ZNF236: variants seen among roughly 807,000 people sequenced by gnomAD.
The protein encoded by ZNF236 is zinc finger protein 236, also known as regulated by glucose.
ZNF236 carries 50 observed loss-of-function variants against 191.2 expected under a neutral mutation model. The observed-to-expected ratio is 0.26, with a 90% CI of 0.21 to 0.33. ZNF236 has a LOEUF of 0.33. Ranked by LOEUF, ZNF236 falls within the 10% of genes least tolerant of loss-of-function variation. The pLI, the probability that ZNF236 is intolerant of heterozygous loss-of-function variation, is 1.00. For missense variants in ZNF236, 1,754 were observed against 2,374.5 expected, an observed-to-expected ratio of 0.74 and a Z score of 5.43; for synonymous variants, 907 against 928.8, an observed-to-expected ratio of 0.98 and a Z score of 0.43.
chr18:76,926,401 G>T (rs1967678168), intron 22 of ZNF236, among the ~76,000 whole-genome samples: 1 of 152,044 alleles, frequency 6.6e-6, no homozygotes, highest in Admixed American at 6.6e-5. Flanking sequence ...AGTTGTTCTG[G>T]GGTGATTAGA....
At chr18:76,967,103 G>A (rs1968793882) in intron 30 of ZNF236, among the ~76,000 whole-genome samples, 1 of 66,340 alleles carries the variant, frequency 1.5e-5, no homozygotes, top group African/African-American at 6.3e-5. Flanking sequence ...TGATTCGTGA[G>A]ATGTGTTATT....
In ZNF236 at chr18:76,880,202, C is replaced by T. The variant is rs202111893; in HGVS notation, c.1074C>T (p.Asp358=). The T allele has an allele frequency of 1.9e-5, 31 of 1,614,184 alleles. No homozygotes were observed. The highest frequency in any genetic ancestry group is 2.7e-5 in the African/African-American group (2 of 75,060). Residue 358 remains aspartate, a synonymous_variant, in exon 8 of 31, where the codon GAC becomes GAT. Transcript: ENST00000320610. The surrounding 1 kb of genome is among the most constrained non-coding windows in gnomAD (Gnocchi z 5.0). ...SSQPSSQAVS[D]VIQQLLELSE... ...AGCCGAGCTCCCAGGCGGTGAGCGA[C>T]GTCATCCAGCAGCTCCTGGAGCTCT...
intron 1 of ZNF236, among the ~76,000 whole-genome samples, chr18:76,824,005 A>G (rs996947582): frequency 5.3e-5 from 8 of 152,138 alleles, no homozygotes; most frequent in African/African-American, 1.4e-4. Context: ...AGGACTCCCT[A>G]TGGGAGTCGG....
At chr18:76,852,461 G>A (rs1356601021) in intron 3 of ZNF236, among the ~76,000 whole-genome samples, 1 of 152,118 alleles carries the variant, frequency 6.6e-6, no homozygotes, top group Non-Finnish European at 1.5e-5. Flanking sequence ...CACAGTGCTG[G>A]GTTGGGGGCT....
chr18:76,881,374 C>G lies in ZNF236; in HGVS notation c.1279C>G (p.Gln427Glu). 1 of 1,614,090 alleles carries G rather than the reference C, an allele frequency of 6.2e-7. No homozygotes were observed. Among genetic ancestry groups the G allele is most frequent in the Non-Finnish European group, 8.5e-7 (1 of 1,180,028 alleles). ...TGCCAAGACCTCTGCACCACACGCT[C>G]AAAACCCAGATGTTTCCAGCGTTTC... ...CHAKTSAPHAQNPDVSSVSNE... is the reference protein window; with the variant it reads ...CHAKTSAPHAENPDVSSVSNE... The change falls in exon 9 of 31, where the codon CAA becomes GAA. Residue 427 changes from glutamine to glutamate, a missense_variant. Coordinates refer to ENST00000320610, the MANE Select transcript of ZNF236 (RefSeq NM_001306089.2).
At chr18:76,861,183 C>G (rs966040040) in intron 3 of ZNF236, among the ~76,000 whole-genome samples, 1 of 152,180 alleles carries the variant, frequency 6.6e-6, no homozygotes, top group African/African-American at 2.4e-5. Flanking sequence ...TGTGTTGATG[C>G]TTAGGTCAGA....
At chr18:76,866,651 G>C (rs910027789) in intron 3 of ZNF236, among the ~76,000 whole-genome samples, 1 of 152,142 alleles carries the variant, frequency 6.6e-6, no homozygotes, top group Non-Finnish European at 1.5e-5. Flanking sequence ...TGGCCACTTA[G>C]CATCATGAGA....
In ZNF236 at chr18:76,880,346, T is replaced by A; in HGVS notation, c.1188+30T>A. The A allele has an allele frequency of 6.3e-7, 1 of 1,576,152 alleles. No homozygotes were observed. The highest frequency in any genetic ancestry group is 1.1e-5 in the South Asian group (1 of 88,114). ...AGCACGCTTCCCTGCGGTGTGAGGC[T>A]TACGTGCTCGTGCTGGGTCAGAAAC... is the stretch of plus-strand genomic sequence containing the variant. On this transcript the variant is annotated intron_variant, in intron 8 of 30. Transcript: ENST00000320610. The surrounding 1 kb of genome is among the most constrained non-coding windows in gnomAD (Gnocchi z 5.0).
Position 76,880,135 on chromosome 18 carries a change from C to T in ZNF236, c.1007C>T (p.Pro336Leu), listed in dbSNP as rs1165128254. The change falls in exon 8 of 31, where the codon CCT becomes CTT. Residue 336 changes from proline to leucine, a missense_variant. This residue lies in a region of ZNF236 where 336 missense variants were observed against 495.1 expected (regional missense o/e 0.68). Coordinates refer to ENST00000320610, the MANE Select transcript of ZNF236 (RefSeq NM_001306089.2). This position sits in a 1 kb window ranked among gnomAD's most constrained non-coding sequence, Gnocchi z 5.0. ...CAGGCCACACTTTTTCAGACGTTAC[C>T]TCTTCAACAGACGGAAGCCCAAGCC... is the stretch of plus-strand genomic sequence containing the variant. ...VLTATLFQTL[P>L]LQQTEAQATS... The T allele has an allele frequency of 2.5e-6, 4 of 1,613,186 alleles. No homozygotes were observed. Among genetic ancestry groups the T allele is most frequent in the Non-Finnish European group, 3.4e-6 (4 of 1,179,698 alleles).
At chr18:76,912,157 C>A (rs1306994353) in intron 16 of ZNF236, 87 bp from the exon 17 acceptor site, 7 of 962,100 alleles carry the variant, frequency 7.3e-6, no homozygotes, top group East Asian at 2.6e-5. Context: ...TATGAATGTT[C>A]TTATCCTTAG....
intron 26 of ZNF236, 62 bp downstream of exon 26, chr18:76,937,405 T>C: frequency 7.2e-7 from 1 of 1,390,400 alleles, no homozygotes; most frequent in Non-Finnish European, 9.6e-7. Context: ...GAAAACATTA[T>C]TCATTGACTC....
rs551000660 is a variant in ZNF236, at chr18:76,866,403, G to A, written c.364-2282G>A. Among the ~76,000 whole-genome samples the A allele has an allele frequency of 4.1e-5, 6 of 147,464 alleles. No individual in the cohort carries two copies. In the South Asian group the frequency reaches 1.3e-3, roughly 31 times the overall value. On this transcript the variant is annotated intron_variant, in intron 3 of 30. Transcript: ENST00000320610. ...GAAGCATGGCTTCTGAGAAGGCCAG[G>A]ACAGGAGACAGGATGATGATGGGGG...
chr18:76,894,892 A>G, intron 9 of ZNF236, 121 bp from the exon 10 acceptor site: 1 of 1,330,662 alleles, frequency 7.5e-7, no homozygotes, highest in Non-Finnish European at 1.0e-6. Context: ...TGATCCTGGG[A>G]ATTCCAAGCT....
In ZNF236 at chr18:76,904,465, G is replaced by C; in HGVS notation, c.1980G>C (p.Lys660Asn). The C allele has an allele frequency of 6.2e-7, 1 of 1,611,202 alleles. No homozygotes were observed. ...NFVNEADRPY[K>N]CFYCHRAYKK... ...TCAATGAAGCAGATAGACCATACAA[G>C]TGTTTTTACTGTCATCGTGCATATA... is the stretch of plus-strand genomic sequence containing the variant. Residue 660 changes from lysine to asparagine, a missense_variant, in exon 12 of 31, where the codon AAG (lysine) becomes AAC (asparagine). Physicochemically the swap from Lys to Asn is moderately conservative, Grantham distance 94 (BLOSUM62 0). This residue lies in a region of ZNF236 where 641 missense variants were observed against 869.6 expected (regional missense o/e 0.74). Coordinates refer to ENST00000320610, the MANE Select transcript of ZNF236 (RefSeq NM_001306089.2).
In ZNF236 at chr18:76,960,724, A is replaced by G; in HGVS notation, c.5288A>G (p.Gln1763Arg). ...ACGCTTTGTGAGAAAGCCTTCAACC[A>G]GAAGAGTGCGCTGCAGGTGCACATG... Reference protein sequence around the residue: ...HCTLCEKAFNQKSALQVHMKK... With the variant: ...HCTLCEKAFNRKSALQVHMKK... The change falls in exon 30 of 31, where the codon CAG becomes CGG. Residue 1763 changes from glutamine (Q) to arginine (R), a missense_variant. Gln to Arg is a conservative substitution (Grantham distance 43, BLOSUM62 1). This residue lies in a region of ZNF236 where 606 missense variants were observed against 761.5 expected (regional missense o/e 0.80). Coordinates refer to ENST00000320610, the MANE Select transcript of ZNF236 (RefSeq NM_001306089.2). The surrounding 1 kb of genome is among the most constrained non-coding windows in gnomAD (Gnocchi z 4.4). 5 of 1,614,210 alleles carry G rather than the reference A, an allele frequency of 3.1e-6. No homozygotes were observed. Among genetic ancestry groups the G allele is most frequent in the Non-Finnish European group, 3.4e-6 (4 of 1,180,034 alleles).
chr18:76,889,008 T>C (rs932204567), intron 9 of ZNF236, among the ~76,000 whole-genome samples: 2 of 152,210 alleles, frequency 1.3e-5, no homozygotes, highest in African/African-American at 4.8e-5. Context: ...CAAGAAACTT[T>C]CTGCAGCATG....
intron 5 of ZNF236, among the ~76,000 whole-genome samples, chr18:76,874,779 GGA>G (rs10605204): frequency 1 from 152,178 of 152,316 alleles, 76,022 homozygotes; most frequent in Non-Finnish European, 1. Context: ...GCCCGGAAGT[GGA>G]GAAACCTGCC....
chr18:76,931,293 A>G (rs779514003), intron 25 of ZNF236: 4 of 152,208 alleles, frequency 2.6e-5, no homozygotes, highest in African/African-American at 7.2e-5. Flanking sequence ...AGCTCTGCCC[A>G]CAGTCAATGA....
At chr18:76,852,468 G>A (rs995783423) in intron 3 of ZNF236, among the ~76,000 whole-genome samples, 1 of 152,088 alleles carries the variant, frequency 6.6e-6, no homozygotes, top group African/African-American at 2.4e-5. Flanking sequence ...CTGGGTTGGG[G>A]GCTGAATCTA....
Sources: gnomAD v4.1 joint callset for allele counts (sites outside exome capture counted in the v4.1 genomes callset) on GRCh38, gnomAD v4.1.1 for gene constraint, gnomAD v4.1.1 regional missense constraint, Gnocchi (gnomAD v3.1) non-coding constraint, MANE v1.5 for transcripts, NCBI Gene and HGNC (gene_info 2026-07-23, HGNC 2026-07-21) for gene names.